APCDD1: variants seen among roughly 807,000 people sequenced by gnomAD.
The protein encoded by APCDD1 is protein APCDD1.
In APCDD1, 15 loss-of-function variants were observed where a neutral mutation model predicts 38.1. The ratio of observed to expected loss-of-function variants is 0.39; its 90% CI spans 0.26 to 0.61. The LOEUF is 0.61. APCDD1 is among the 20% of genes least tolerant of loss of function. The pLI is 0.49. For missense variants in APCDD1, 647 were observed against 696.2 expected (o/e 0.93, Z 0.79); for synonymous variants, 261 against 279.7 (o/e 0.93, Z 0.67).
At position 10,471,815 on chromosome 18, in the gene APCDD1, A is replaced by C; in HGVS notation, c.528A>C (p.Ala176=). 3 of 1,613,818 alleles carry C rather than the reference A, an allele frequency of 1.9e-6. No individual in the cohort carries two copies. The East Asian group carries it at 6.7e-5, about 36-fold the overall frequency. ...ACCGCACATGCCCGGGCTTCCTCGC[A>C]GACGGGGGTCCCTGGGTGCAGGACG... The part of the protein sequence containing the change: ...QVNRTCPGFL[A]DGGPWVQDVA... The change falls in exon 3 of 5, where the codon GCA becomes GCC. Residue 176 remains alanine, a synonymous_variant. Transcript: ENST00000355285. This position sits in a 1 kb window ranked among gnomAD's most constrained non-coding sequence, Gnocchi z 5.5.
chr18:10,486,896 C>T (rs539562496), intron 4 of APCDD1, among the ~76,000 whole-genome samples: 2 of 152,318 alleles, frequency 1.3e-5, no homozygotes, highest in African/African-American at 2.4e-5. Context: ...GCAAGGTTTG[C>T]TCCAGGAATA....
intron 1 of APCDD1, among the ~76,000 whole-genome samples, chr18:10,459,411 T>G (rs1245227706): frequency 6.6e-6 from 1 of 152,190 alleles, no homozygotes; most frequent in Non-Finnish European, 1.5e-5. Flanking sequence ...CTTTGCAACC[T>G]CTGGTTCAGC....
At position 10,455,014 on chromosome 18, in the gene APCDD1, C is replaced by T. The variant is rs1333779677; in HGVS notation, c.33C>T (p.Tyr11=). The T allele has an allele frequency of 6.4e-6, 10 of 1,564,990 alleles. No homozygotes were observed. The highest frequency in any genetic ancestry group is 2.4e-5 in the East Asian group (1 of 41,870). ...GGCCGCGCCGCCTCCTGCTCAGATA[C>T]CTGTTCCCGGCCCTCCTGCTTCACG... The part of the protein sequence containing the change: MSWPRRLLLR[Y]LFPALLLHGL... Residue 11 remains tyrosine, a synonymous_variant, in exon 1 of 5, where the codon TAC becomes TAT. Transcript: ENST00000355285.
At chr18:10,459,871 T>C (rs981458303) in intron 1 of APCDD1, among the ~76,000 whole-genome samples, 1 of 152,216 alleles carries the variant, frequency 6.6e-6, no homozygotes, top group Non-Finnish European at 1.5e-5. Flanking sequence ...AGAACACTTT[T>C]CTCAGTCTGA....
chr18:10,462,663 T>C (rs1363219600), intron 1 of APCDD1, among the ~76,000 whole-genome samples: 1 of 138,906 alleles, frequency 7.2e-6, no homozygotes, highest in Non-Finnish European at 1.6e-5. Context: ...CCTTCCTTCC[T>C]TCCTTCCTTC....
At position 10,463,391 on chromosome 18, in the gene APCDD1, T is replaced by A. The variant is rs912262141; in HGVS notation, c.59-5078T>A. The stretch of plus-strand genomic sequence containing the variant: ...CTGATTGGATGAATGAATGATTCGC[T>A]AGTTCTAGTCCCGAATTTGGAATTG... On this transcript the variant is annotated intron_variant, in intron 1 of 4. Coordinates refer to ENST00000355285, the MANE Select transcript of APCDD1 (RefSeq NM_153000.5). 3.3e-5 allele frequency among the ~76,000 whole-genome samples: 5 copies of A among 152,270 alleles called. No individual in the cohort carries two copies. In the East Asian group the frequency reaches 9.7e-4, roughly 29 times the overall value.
intron 1 of APCDD1, among the ~76,000 whole-genome samples, chr18:10,463,429 C>T (rs2030622104): frequency 6.6e-6 from 1 of 152,134 alleles, no homozygotes; most frequent in Non-Finnish European, 1.5e-5. Flanking sequence ...TTACTTCAGG[C>T]GATGCAACAA....
chr18:10,455,706 A>G (rs1189049125), intron 1 of APCDD1, among the ~76,000 whole-genome samples: 1 of 152,144 alleles, frequency 6.6e-6, no homozygotes, highest in Non-Finnish European at 1.5e-5. Context: ...TTGACGTCCC[A>G]TTTCCTGGGC....
intron 1 of APCDD1, among the ~76,000 whole-genome samples, chr18:10,461,633 A>G (rs2143512689): frequency 6.6e-6 from 1 of 152,352 alleles, no homozygotes; most frequent in South Asian, 2.1e-4. Context: ...CATTATCATC[A>G]TGATCATTAT....
intron 4 of APCDD1, 25 bp from the exon 5 acceptor site, chr18:10,487,565 T>G (rs578125813): frequency 1.1e-5 from 17 of 1,612,804 alleles, no homozygotes; most frequent in Admixed American, 1.7e-5. Context: ...CCTGGAGTCA[T>G]GGAACTCTCC....
At chr18:10,460,079 T>C (rs960021480) in intron 1 of APCDD1, among the ~76,000 whole-genome samples, 2 of 152,252 alleles carry the variant, frequency 1.3e-5, no homozygotes, top group African/African-American at 4.8e-5. Flanking sequence ...GCCCCACGTG[T>C]GCTTGAAAAT....
Position 10,462,504 on chromosome 18 carries a change from T to C in APCDD1, c.59-5965T>C, listed in dbSNP as rs1346384387. ...TTCCTGTGACCCTCCCTTCCTTCCTTCCTTCCTTCCTTCCTTCCTGTGACC... is the reference window on the plus strand; with the variant it reads ...TTCCTGTGACCCTCCCTTCCTTCCTCCCTTCCTTCCTTCCTTCCTGTGACC... On this transcript the variant is annotated intron_variant, in intron 1 of 4. Transcript: ENST00000355285. Among the ~76,000 whole-genome samples the C allele has an allele frequency of 1.3e-4, 7 of 55,504 alleles. 1 individual carries two copies. Among genetic ancestry groups the C allele is most frequent in the Non-Finnish European group, 6.8e-5 (2 of 29,314 alleles). The allele number at this position is 55,504 out of a possible 152,430, so 36.4% of individuals were successfully genotyped here.
chr18:10,468,683 CAGAG>C (rs1440281027), intron 2 of APCDD1, 31 bp downstream of exon 2: 1 of 1,608,154 alleles, frequency 6.2e-7, no homozygotes, highest in African/African-American at 1.3e-5. Context: ...TGGGAGAGGC[CAGAG>C]AGCACACCAC....
At chr18:10,468,674 G>C (rs1413486886) in intron 2 of APCDD1, 22 bp downstream of exon 2, 2 of 1,612,314 alleles carry the variant, frequency 1.2e-6, no homozygotes, top group Non-Finnish European at 1.7e-6. Context: ...GGTGGGGTCT[G>C]GGAGAGGCCA....
At chr18:10,464,627 C>T (rs531635558) in intron 1 of APCDD1, among the ~76,000 whole-genome samples, 3 of 152,264 alleles carry the variant, frequency 2.0e-5, no homozygotes, top group Non-Finnish European at 4.4e-5. Context: ...TGTTACCTTG[C>T]CCATGCTGGT....
rs1366974359 is a variant in APCDD1, at chr18:10,485,520, C to G, written c.833C>G (p.Pro278Arg). The part of the protein sequence containing the change: ...RIIYRSDEHH[P>R]PILPPKADLT... ...ATCTATCGGTCAGACGAGCACCACC[C>G]TCCCATCCTGCCCCCAAAGGCAGAC... The change falls in exon 4 of 5, where the codon CCT becomes CGT. Residue 278 changes from proline (P) to arginine (R), a missense_variant. By Grantham distance (103) the Pro-to-Arg change is moderately radical. Transcript: ENST00000355285. The surrounding 1 kb of genome is among the most constrained non-coding windows in gnomAD (Gnocchi z 5.8). 6.2e-7 allele frequency: 1 copy of G among 1,614,196 alleles called. No individual in the cohort carries two copies. The highest frequency in any genetic ancestry group is 1.3e-5 in the African/African-American group (1 of 75,050).
At position 10,454,642 on chromosome 18, in the gene APCDD1, C is replaced by A. The variant is rs1206429070; in HGVS notation, c.-340C>A. On this transcript the variant is annotated 5_prime_UTR_variant, in exon 1 of 5. Transcript: ENST00000355285. ...GCGGCGCGCTGGAAATATGAAGAGA[C>A]GCTGCAGCTGCGGTGGCGGTGGCGG... The A allele has an allele frequency of 1.9e-6, 2 of 1,060,550 alleles. No individual in the cohort carries two copies. The highest frequency in any genetic ancestry group is 2.7e-5 in the South Asian group (1 of 36,554). 65.7% of individuals were successfully genotyped at this position (1,060,550 alleles called of 1,614,324 possible). A position where few individuals can be genotyped will look rare whatever the true frequency, so the allele number is the denominator to read the frequency against.
At chr18:10,486,360 A>G (rs1452320107) in intron 4 of APCDD1, among the ~76,000 whole-genome samples, 2 of 152,170 alleles carry the variant, frequency 1.3e-5, no homozygotes, top group African/African-American at 2.4e-5. Flanking sequence ...TCTCTAAAAA[A>G]CAAAAAAAGA....
In APCDD1 at chr18:10,485,654, G is replaced by T; in HGVS notation, c.967G>T (p.Glu323Ter). ...FIFHDNNNTW[E>*]GHYYHYSDPV... is the part of the protein sequence containing the mutation. ...CTTCCATGACAACAACAACACCTGG[G>T]AGGGCCACTACTACCACTACTCAGA... Residue 323 changes from glutamate to a stop codon, truncating the protein, a stop_gained, in exon 4 of 5, where the codon GAG (glutamate) becomes TAG (stop). Coordinates refer to ENST00000355285, the MANE Select transcript of APCDD1 (RefSeq NM_153000.5). LOFTEE classifies it high-confidence loss of function. The surrounding 1 kb of genome is among the most constrained non-coding windows in gnomAD (Gnocchi z 5.8). 1.1e-5 allele frequency: 18 copies of T among 1,614,140 alleles called. No individual in the cohort carries two copies. Among genetic ancestry groups the T allele is most frequent in the Non-Finnish European group, 1.5e-5 (18 of 1,180,030 alleles).
Sources: allele counts gnomAD v4.1 joint callset (sites outside exome capture counted in the v4.1 genomes callset), GRCh38; gene constraint gnomAD v4.1.1; non-coding constraint Gnocchi (gnomAD v3.1); transcripts MANE v1.5; gene names NCBI Gene and HGNC (gene_info 2026-07-23, HGNC 2026-07-21).